Variants in DSE observed in about 807,000 individuals in gnomAD.
DSE encodes dermatan-sulfate epimerase.
In DSE, 36 loss-of-function variants were observed where a neutral mutation model predicts 84.4. The observed-to-expected ratio is 0.43, with a 90% CI of 0.33 to 0.56. The LOEUF is 0.56. DSE is among the 20% of genes least tolerant of loss of function. DSE has a pLI of 0.06. For synonymous variants in DSE, 410 were observed against 430.1 expected (o/e 0.95, Z 0.58); for missense variants, 862 against 1,169.6 (o/e 0.74, Z 3.84).
At chr6:116,262,427 G>A (rs1772450817) in intron 2 of DSE, among the ~76,000 whole-genome samples, 1 of 152,128 alleles carries the variant, frequency 6.6e-6, no homozygotes, top group Admixed American at 6.5e-5. Context: ...AATATTCTCT[G>A]ATGGTTGTTT....
chr6:116,371,743 C>G (rs185494658), intron 1 of DSE, among the ~76,000 whole-genome samples: 1,895 of 152,222 alleles, frequency 0.012, 17 homozygotes, highest in Middle Eastern at 0.088. Context: ...GAGGCAGTCC[C>G]GGGGAGGGGA....
chr6:116,422,514 G>T (rs900351727), intron 2 of DSE, among the ~76,000 whole-genome samples: 18 of 152,180 alleles, frequency 1.2e-4, no homozygotes, highest in Non-Finnish European at 2.9e-5. Flanking sequence ...TCTCAACTCA[G>T]TGCATGACTT....
At chr6:116,412,721 T>A (rs1299277986) in intron 2 of DSE, 3 of 152,188 alleles carry the variant, frequency 2.0e-5, no homozygotes, top group Non-Finnish European at 4.4e-5. Context: ...AACTTTTAGA[T>A]TTAGGGGGTA....
intron 2 of DSE, among the ~76,000 whole-genome samples, chr6:116,421,322 A>G (rs188737860): frequency 1.5e-4 from 22 of 151,518 alleles, no homozygotes; most frequent in Admixed American, 3.3e-4. Flanking sequence ...AGTTTACCAT[A>G]TTAGAAATTA....
At chr6:116,433,830 A>G (rs1216214795) in intron 5 of DSE, among the ~76,000 whole-genome samples, 3 of 152,132 alleles carry the variant, frequency 2.0e-5, no homozygotes, top group African/African-American at 7.2e-5. Context: ...AGTGTTAGAA[A>G]CATTTCTTTA....
chr6:116,288,097 G>A (rs949021553), intron 2 of DSE: 1 of 152,022 alleles, frequency 6.6e-6, no homozygotes, highest in Non-Finnish European at 1.5e-5. Context: ...ATAGGAGCCT[G>A]CCTACAAAGT....
chr6:116,289,054 T>A (rs905976892), intron 2 of DSE, among the ~76,000 whole-genome samples: 2 of 151,984 alleles, frequency 1.3e-5, no homozygotes, highest in African/African-American at 4.8e-5. Flanking sequence ...AACTTACATA[T>A]TTAAAATAAG....
intron 2 of DSE, among the ~76,000 whole-genome samples, chr6:116,419,940 A>C (rs1371956666): frequency 6.6e-6 from 1 of 152,180 alleles, no homozygotes; most frequent in Non-Finnish European, 1.5e-5. Context: ...ATAAAGTCTC[A>C]TTTAAATACA....
At chr6:116,331,210 A>G (rs372658700) in intron 2 of DSE, among the ~76,000 whole-genome samples, 7 of 152,330 alleles carry the variant, frequency 4.6e-5, no homozygotes, top group East Asian at 3.9e-4. Flanking sequence ...CAGGAATAAG[A>G]TAATAGTTGT....
upstream of DSE, among the ~76,000 whole-genome samples, chr6:116,365,553 G>C (rs572053609): frequency 3.3e-5 from 5 of 152,178 alleles, no homozygotes; most frequent in East Asian, 9.6e-4. Flanking sequence ...GCACGTGGCC[G>C]GAAGTTCTTA....
chr6:116,373,622 T>C (rs1029703894), intron 1 of DSE, among the ~76,000 whole-genome samples: 5 of 152,056 alleles, frequency 3.3e-5, no homozygotes, highest in African/African-American at 1.2e-4. Flanking sequence ...TTCCTTTCAA[T>C]GAGATTTTAT....
intron 2 of DSE, chr6:116,279,036 C>T (rs1773309889): frequency 1.9e-6 from 3 of 1,613,352 alleles, no homozygotes; most frequent in African/African-American, 1.3e-5. Context: ...TCCTCCGCTC[C>T]AGGTAGTGTC....
intron 2 of DSE, among the ~76,000 whole-genome samples, chr6:116,346,883 C>T (rs1322702700): frequency 5.9e-5 from 9 of 152,150 alleles, no homozygotes; most frequent in African/African-American, 2.2e-4. Flanking sequence ...ATCATCTCAG[C>T]CCAAAATCTC....
intron 2 of DSE, among the ~76,000 whole-genome samples, chr6:116,312,857 C>T (rs536306891): frequency 4.5e-4 from 69 of 152,134 alleles, no homozygotes; most frequent in African/African-American, 1.6e-3. Flanking sequence ...CCCTGCCTTA[C>T]ATTTACATAT....
chr6:116,310,003 C>A (rs1186741534), intron 2 of DSE, among the ~76,000 whole-genome samples: 3 of 152,024 alleles, frequency 2.0e-5, no homozygotes, highest in Non-Finnish European at 4.4e-5. Context: ...AAGGAACATT[C>A]AAAATTTTGC....
chr6:116,299,960 A>G (rs1774934559), intron 2 of DSE, among the ~76,000 whole-genome samples: 1 of 152,208 alleles, frequency 6.6e-6, no homozygotes, highest in African/African-American at 2.4e-5. Flanking sequence ...AGATGGAAAT[A>G]TAGTTGTGGA....
At chr6:116,262,600 G>A (rs1014322211) in intron 2 of DSE, among the ~76,000 whole-genome samples, 5 of 152,054 alleles carry the variant, frequency 3.3e-5, no homozygotes, top group Admixed American at 6.6e-5. Flanking sequence ...TTTTTTGTGT[G>A]TCTAAATCTC....
chr6:116,375,082 G>T (rs1046899136), intron 1 of DSE, among the ~76,000 whole-genome samples: 2 of 152,152 alleles, frequency 1.3e-5, no homozygotes, highest in Non-Finnish European at 2.9e-5. Context: ...CCTCAAGTTG[G>T]TGCCCAACAT....
chr6:116,274,496 G>C (rs889241332), intron 2 of DSE, among the ~76,000 whole-genome samples: 2 of 151,924 alleles, frequency 1.3e-5, no homozygotes, highest in Admixed American at 1.3e-4. Context: ...CCAGGAGGCA[G>C]AGGTTGCGGT....
Sources: gnomAD v4.1 joint callset for allele counts (sites outside exome capture counted in the v4.1 genomes callset) on GRCh38, gnomAD v4.1.1 for gene constraint, MANE v1.5 for transcripts, NCBI Gene and HGNC (gene_info 2026-07-23, HGNC 2026-07-21) for gene names.